PTPRT: variants seen among roughly 807,000 people sequenced by gnomAD.
The protein encoded by PTPRT is receptor-type tyrosine-protein phosphatase T.
Under a neutral mutation model 176.8 loss-of-function variants are expected in PTPRT, and 56 were observed. The observed-to-expected ratio is 0.32, with a 90% CI of 0.26 to 0.40. The LOEUF (loss-of-function observed/expected upper bound fraction) is 0.40. PTPRT is among the 10% of genes least tolerant of loss of function. PTPRT has a pLI of 1.00. For missense variants in PTPRT, 1,540 were observed against 1,908.2 expected, an observed-to-expected ratio of 0.81 and a Z score of 3.60; for synonymous variants, 783 against 739.0, an observed-to-expected ratio of 1.06 and a Z score of -0.96.
At chr20:43,003,899 AT>A (rs766849794) in intron 1 of PTPRT, among the ~76,000 whole-genome samples, 1 of 152,190 alleles carries the variant, frequency 6.6e-6, no homozygotes, top group Non-Finnish European at 1.5e-5. Context: ...CCAAGTTGAA[AT>A]TTCTAGCAAA....
At chr20:42,716,078 T>C (rs1471189430) in intron 6 of PTPRT, among the ~76,000 whole-genome samples, 1 of 152,214 alleles carries the variant, frequency 6.6e-6, no homozygotes, top group Non-Finnish European at 1.5e-5. Flanking sequence ...TCTTCCACTC[T>C]TGGTGGCTGC....
At chr20:42,648,682 T>C (rs1313663507) in intron 7 of PTPRT, among the ~76,000 whole-genome samples, 2 of 152,170 alleles carry the variant, frequency 1.3e-5, no homozygotes, top group East Asian at 3.9e-4. Flanking sequence ...ATGTAAATCA[T>C]GCTTCTTGGA....
Position 42,118,491 on chromosome 20 carries a change from T to G in PTPRT, c.2894A>C (p.Gln965Pro). The change falls in exon 21 of 31, where the codon CAG becomes CCG. Residue 965 changes from glutamine (Q) to proline (P), a missense_variant. Gln to Pro is a moderately conservative substitution (Grantham distance 76). Coordinates refer to ENST00000373187, the MANE Select transcript of PTPRT (RefSeq NM_007050.6). ...TCTCCAAAAGTCCTTTACAGTCTCC[T>G]GCATCGGACCTGCCAACAGAGAAGA... ...RHYIATQGPM[Q>P]ETVKDFWRMI... 1 of 1,609,150 alleles carries G rather than the reference T, an allele frequency of 6.2e-7. No homozygotes were observed. The highest frequency in any genetic ancestry group is 8.5e-7 in the Non-Finnish European group (1 of 1,177,450).
At chr20:43,078,143 A>G (rs1801321887) in intron 1 of PTPRT, among the ~76,000 whole-genome samples, 2 of 152,240 alleles carry the variant, frequency 1.3e-5, no homozygotes, top group African/African-American at 4.8e-5. Flanking sequence ...TGCTCAGTAC[A>G]GTTCCTGGCA....
intron 6 of PTPRT, among the ~76,000 whole-genome samples, chr20:42,700,736 C>T (rs983141899): frequency 4.6e-5 from 7 of 152,206 alleles, no homozygotes; most frequent in African/African-American, 1.7e-4. Context: ...GGATAAGTCA[C>T]CATCCCTCTC....
intron 6 of PTPRT, among the ~76,000 whole-genome samples, chr20:42,690,667 A>G (rs560505943): frequency 6.6e-6 from 1 of 152,254 alleles, no homozygotes; most frequent in Admixed American, 6.5e-5. Flanking sequence ...TATGCCCAAT[A>G]CACTTCATCC....
intron 7 of PTPRT, among the ~76,000 whole-genome samples, chr20:42,596,766 C>A (rs1236451162): frequency 6.6e-6 from 1 of 152,108 alleles, no homozygotes; most frequent in Non-Finnish European, 1.5e-5. Flanking sequence ...TTGAGGGCCA[C>A]AAATTAAACA....
rs183296593 is a variant in PTPRT, at chr20:42,285,628, G to C, written c.2140-3103C>G. On this transcript the variant is annotated intron_variant, in intron 12 of 30. Coordinates refer to ENST00000373187, the MANE Select transcript of PTPRT (RefSeq NM_007050.6). ...GCGATATATCTGTCTAACCACACAGGCATGGCAAAGAAAGCTGTGGTCTCT... is the reference window on the plus strand; with the variant it reads ...GCGATATATCTGTCTAACCACACAGCCATGGCAAAGAAAGCTGTGGTCTCT... Among the ~76,000 whole-genome samples, 429 of 151,674 alleles carry C rather than the reference G, an allele frequency of 2.8e-3. 3 individuals are homozygous for C. Among genetic ancestry groups the C allele is most frequent in the Non-Finnish European group, 4.4e-3 (297 of 67,720 alleles).
chr20:42,915,941 A>G (rs1337465898), intron 1 of PTPRT, among the ~76,000 whole-genome samples: 1 of 151,076 alleles, frequency 6.6e-6, no homozygotes, highest in Non-Finnish European at 1.5e-5. Flanking sequence ...TGAGTGCCCA[A>G]TTGTTGTTGT....
At chr20:42,878,744 G>C (rs917906397) in intron 2 of PTPRT, among the ~76,000 whole-genome samples, 1 of 152,154 alleles carries the variant, frequency 6.6e-6, no homozygotes, top group African/African-American at 2.4e-5. Flanking sequence ...AGAAAGCAAC[G>C]CTGGCCGGGC....
chr20:42,035,893 G>T, the PTPRT span, among the ~76,000 whole-genome samples: 1 of 152,218 alleles, frequency 6.6e-6, no homozygotes, highest in East Asian at 1.9e-4. Context: ...TTGCAATGGG[G>T]AGTTCATTCA....
At chr20:42,860,291 G>A (rs915107663) in intron 2 of PTPRT, among the ~76,000 whole-genome samples, 2 of 152,050 alleles carry the variant, frequency 1.3e-5, no homozygotes, top group Non-Finnish European at 2.9e-5. Flanking sequence ...TTCTAAGATT[G>A]GTATAAGCTA....
chr20:42,104,624 T>C lies in PTPRT; in HGVS notation c.3485A>G (p.Asn1162Ser). Residue 1162 changes from asparagine (N) to serine (S), a missense_variant, in exon 25 of 31, where the codon AAT becomes AGT. Transcript: ENST00000373187. ...PVCEFRSLYY[N>S]ISRLDPQTNS... ...TGTCTGGGGGTCCAGCCTGCTGATA[T>C]TGTAGTAGAGAGAACGGAACTCACA... is the stretch of plus-strand genomic sequence containing the variant. 1 of 1,611,082 alleles carries C rather than the reference T, an allele frequency of 6.2e-7. No homozygotes were observed.
At chr20:42,091,837 C>T (rs1303408073) in intron 27 of PTPRT, among the ~76,000 whole-genome samples, 3 of 152,042 alleles carry the variant, frequency 2.0e-5, no homozygotes, top group African/African-American at 7.3e-5. Context: ...ACACATCTCT[C>T]CTCATTGTAT....
rs1378043947 is a variant in PTPRT at position 42,080,159 on chromosome 20, C to G, written c.*720G>C. The G allele has an allele frequency of 3.9e-5, 9 of 232,988 alleles. No individual in the cohort carries two copies. The highest frequency in any genetic ancestry group is 6.8e-5 in the Non-Finnish European group (8 of 117,988). 14.4% of individuals were successfully genotyped at this position (232,988 alleles called of 1,614,324 possible). Reference sequence around the variant, plus strand: ...AGAGAAGTTCCCTGCAGTTCCACCCCCTCCCACTGACCACACAAAAAAGCA... The same window carrying G: ...AGAGAAGTTCCCTGCAGTTCCACCCGCTCCCACTGACCACACAAAAAAGCA... On this transcript the variant is annotated 3_prime_UTR_variant, in exon 31 of 31. Coordinates refer to ENST00000373187, the MANE Select transcript of PTPRT (RefSeq NM_007050.6).
intron 7 of PTPRT, among the ~76,000 whole-genome samples, chr20:42,579,434 T>C (rs1158656924): frequency 6.6e-6 from 1 of 152,212 alleles, no homozygotes; most frequent in Admixed American, 6.5e-5. Context: ...AGTAATGGCA[T>C]GGCTGGGTCA....
chr20:42,558,486 A>T (rs2072898657), intron 7 of PTPRT, among the ~76,000 whole-genome samples: 1 of 152,164 alleles, frequency 6.6e-6, no homozygotes, highest in African/African-American at 2.4e-5. Context: ...GTATAATCGT[A>T]ATGGGGCTGC....
chr20:43,057,933 TAACCCAG>T (rs1987307501), intron 1 of PTPRT, among the ~76,000 whole-genome samples: 1 of 152,192 alleles, frequency 6.6e-6, no homozygotes, highest in Admixed American at 6.5e-5. Flanking sequence ...ACTCAATGCC[TAACCCAG>T]TGCTTAGTAC....
intron 7 of PTPRT, among the ~76,000 whole-genome samples, chr20:42,657,788 TC>T (rs2075151693): frequency 6.6e-6 from 1 of 152,208 alleles, no homozygotes; most frequent in African/African-American, 2.4e-5. Flanking sequence ...TAGTTTTGCT[TC>T]CATTTGCATA....
Sources: allele counts gnomAD v4.1 joint callset (sites outside exome capture counted in the v4.1 genomes callset), GRCh38; gene constraint gnomAD v4.1.1; transcripts MANE v1.5; gene names NCBI Gene and HGNC (gene_info 2026-07-23, HGNC 2026-07-21).